Variants in PLCB1 observed in about 807,000 individuals in gnomAD.
The protein encoded by PLCB1 is 1-phosphatidylinositol 4,5-bisphosphate phosphodiesterase beta-1.
In PLCB1, 46 loss-of-function variants were observed where a neutral mutation model predicts 161.8. The observed-to-expected ratio is 0.28, with a 90% confidence interval of 0.22 to 0.36. The LOEUF is 0.36. Among genes scored for constraint, PLCB1 ranks in the 10% least tolerant of loss-of-function variants. PLCB1 has a pLI of 1.00. For missense variants in PLCB1, 1,016 were observed against 1,472.5 expected, an observed-to-expected ratio of 0.69 and a Z score of 5.07; for synonymous variants, 517 against 503.7, an observed-to-expected ratio of 1.03 and a Z score of -0.35.
intron 3 of PLCB1, among the ~76,000 whole-genome samples, chr20:8,571,386 G>A (rs1986510211): frequency 6.6e-6 from 1 of 152,148 alleles, no homozygotes; most frequent in African/African-American, 2.4e-5. Context: ...GGAAGCTGAG[G>A]CAGGAGAATC....
At chr20:8,640,024 T>C (rs1324630665) in intron 4 of PLCB1, among the ~76,000 whole-genome samples, 2 of 152,040 alleles carry the variant, frequency 1.3e-5, no homozygotes, top group African/African-American at 4.8e-5. Context: ...ACTAACGGGA[T>C]TGAGTTACCA....
chr20:8,623,938 T>C (rs1184553331), intron 3 of PLCB1: 2 of 152,218 alleles, frequency 1.3e-5, no homozygotes, highest in Non-Finnish European at 1.5e-5. Context: ...GGATAAGCAT[T>C]GATTCAAGGG....
intron 3 of PLCB1, among the ~76,000 whole-genome samples, chr20:8,539,650 TTCTTTC>T (rs1985211838): frequency 1.1e-5 from 1 of 92,274 alleles, no homozygotes; most frequent in Non-Finnish European, 2.1e-5. Flanking sequence ...CTTTCTTTCT[TTCTTTC>T]TTTCTTTCTT....
chr20:8,257,239 T>C (rs8120810), intron 2 of PLCB1, among the ~76,000 whole-genome samples: 2,493 of 152,226 alleles, frequency 0.016, 77 homozygotes, highest in African/African-American at 0.057. Context: ...TGTAATCTCC[T>C]TAGAGTAGTT....
chr20:8,823,268 A>G (rs576050811), intron 31 of PLCB1, among the ~76,000 whole-genome samples: 1 of 152,200 alleles, frequency 6.6e-6, no homozygotes, highest in African/African-American at 2.4e-5. Flanking sequence ...GATTACAGGC[A>G]TGCGCCACTG....
intron 2 of PLCB1, among the ~76,000 whole-genome samples, chr20:8,292,185 T>A (rs1983415031): frequency 6.6e-6 from 1 of 152,156 alleles, no homozygotes; most frequent in African/African-American, 2.4e-5. Context: ...AACTTTCAAA[T>A]CACTCAGCTT....
Position 8,230,056 on chromosome 20 carries a change from C to CAAAAA in PLCB1, c.177+79709_177+79713dup, listed in dbSNP as rs547874616. On this transcript the variant is annotated intron_variant, in intron 2 of 31. Transcript: ENST00000338037. ...CGGCAACAGAGTTGCGACTTGGCAG[C>CAAAAA]AAAAAAAAAAAAAAAAAAAAAAAAA... Among the ~76,000 whole-genome samples the CAAAAA allele has an allele frequency of 2.6e-3, 155 of 58,846 alleles. 4 individuals are homozygous for CAAAAA. The highest frequency in any genetic ancestry group is 5.9e-3 in the African/African-American group (135 of 22,720). 38.6% of individuals were successfully genotyped at this position (58,846 alleles called of 152,430 possible). A position where few individuals can be genotyped will look rare whatever the true frequency, so the allele number is the denominator to read the frequency against.
intron 3 of PLCB1, among the ~76,000 whole-genome samples, chr20:8,534,395 T>G (rs1432699453): frequency 6.6e-6 from 1 of 152,230 alleles, no homozygotes; most frequent in Non-Finnish European, 1.5e-5. Flanking sequence ...TGACAGCCTG[T>G]TACTATGTCA....
At chr20:8,786,541 T>G (rs1169470302) in intron 27 of PLCB1, among the ~76,000 whole-genome samples, 1 of 152,214 alleles carries the variant, frequency 6.6e-6, no homozygotes, top group Non-Finnish European at 1.5e-5. Flanking sequence ...TGTCTGGGTT[T>G]GTACCCATCT....
chr20:8,154,888 A>T (rs1312281963), intron 2 of PLCB1, among the ~76,000 whole-genome samples: 1 of 152,216 alleles, frequency 6.6e-6, no homozygotes, highest in East Asian at 1.9e-4. Context: ...TATGGGTAAC[A>T]AAAGATGACT....
chr20:8,249,762 G>C (rs567233673), intron 2 of PLCB1: 3 of 152,084 alleles, frequency 2.0e-5, no homozygotes, highest in East Asian at 1.9e-4. Context: ...GTCTGTCGCT[G>C]TGTGTGACCC....
intron 3 of PLCB1, among the ~76,000 whole-genome samples, chr20:8,442,302 G>A (rs111276497): frequency 6.6e-6 from 1 of 152,164 alleles, no homozygotes; most frequent in Non-Finnish European, 1.5e-5. Context: ...GGGGCCGGCA[G>A]GTTTCGTTGT....
At chr20:8,235,712 C>T (rs188611470) in intron 2 of PLCB1, among the ~76,000 whole-genome samples, 12 of 152,086 alleles carry the variant, frequency 7.9e-5, no homozygotes, top group African/African-American at 2.9e-4. Flanking sequence ...ACTGTCTACC[C>T]TGAAAAAACA....
intron 3 of PLCB1, among the ~76,000 whole-genome samples, chr20:8,542,075 T>C (rs1196708996): frequency 1.3e-5 from 2 of 152,248 alleles, no homozygotes; most frequent in Non-Finnish European, 2.9e-5. Flanking sequence ...ATTTAATTCA[T>C]ATAATAGCCT....
chr20:8,373,570 G>C (rs1174510788), intron 3 of PLCB1, among the ~76,000 whole-genome samples: 1 of 152,160 alleles, frequency 6.6e-6, no homozygotes, highest in Middle Eastern at 3.2e-3. Flanking sequence ...AATTGATACA[G>C]GTGTGGTGTG....
At chr20:8,589,610 C>CTTTTTTTTTTTTT (rs71183102) in intron 3 of PLCB1, among the ~76,000 whole-genome samples, 1 of 80,104 alleles carries the variant, frequency 1.2e-5, no homozygotes, top group Admixed American at 1.5e-4. Context: ...CAATCTCTCT[C>CTTTTTTTTTTTTT]TTTTTTTTTT....
rs1198570791 is a variant in PLCB1 at position 8,433,531 on chromosome 20, C to G, written c.246+62081C>G. The stretch of plus-strand genomic sequence containing the variant: ...CTTATGTCACACTCTATCTGAGTGA[C>G]CCTTAGGAAGTTCCCTAATCTCCCA... On this transcript the variant is annotated intron_variant, in intron 3 of 31. Transcript: ENST00000338037. Among the ~76,000 whole-genome samples, 15 of 146,824 alleles carry G rather than the reference C, an allele frequency of 1.0e-4. 2 individuals carry two copies. Among genetic ancestry groups the G allele is most frequent in the African/African-American group, 3.9e-4 (15 of 38,738 alleles).
intron 2 of PLCB1, among the ~76,000 whole-genome samples, chr20:8,355,961 A>C (rs1986350908): frequency 6.6e-6 from 1 of 152,088 alleles, no homozygotes; most frequent in South Asian, 2.1e-4. Flanking sequence ...ATCTCATCAT[A>C]CTGTATTTTT....
intron 3 of PLCB1, among the ~76,000 whole-genome samples, chr20:8,398,917 T>C (rs1203575711): frequency 6.6e-6 from 1 of 151,990 alleles, no homozygotes; most frequent in Non-Finnish European, 1.5e-5. Flanking sequence ...TTGCTTTTGG[T>C]GTTTTTTTGT....
Sources: gnomAD v4.1 joint callset for allele counts (sites outside exome capture counted in the v4.1 genomes callset) on GRCh38, gnomAD v4.1.1 for gene constraint, MANE v1.5 for transcripts, NCBI Gene and HGNC (gene_info 2026-07-23, HGNC 2026-07-21) for gene names.